COL9A2: variants seen among roughly 807,000 people sequenced by gnomAD.
COL9A2 encodes the protein collagen alpha-2(IX) chain.
A neutral mutation model predicts 111.6 loss-of-function variants in COL9A2; 66 were observed. The ratio of observed to expected loss-of-function variants is 0.59; its 90% CI spans 0.48 to 0.73. The LOEUF (loss-of-function observed/expected upper bound fraction) is 0.73. Ranked by LOEUF, COL9A2 falls within the 30% of genes least tolerant of loss-of-function variation. COL9A2 has a pLI of 0.00. For missense variants in COL9A2, 881 were observed against 954.1 expected (o/e 0.92, Z 1.01); for synonymous variants, 353 against 364.1 (o/e 0.97, Z 0.35).
chr1:40,312,860 G>T lies in COL9A2; in HGVS notation c.250-76C>A. Reference sequence around the variant, plus strand: ...CCCACAGAGCAGGGCAGGTTCAAGGGTCCCTCCTGGGTGGGCCGAGGCTCC... The same window carrying T: ...CCCACAGAGCAGGGCAGGTTCAAGGTTCCCTCCTGGGTGGGCCGAGGCTCC... On this transcript the variant is annotated intron_variant, in intron 4 of 31. Coordinates refer to ENST00000372748, the MANE Select transcript of COL9A2 (RefSeq NM_001852.4). The surrounding 1 kb of genome is among the most constrained non-coding windows in gnomAD (Gnocchi z 6.0). 1.4e-6 allele frequency: 2 copies of T among 1,384,464 alleles called. No individual in the cohort carries two copies. Among genetic ancestry groups the T allele is most frequent in the Non-Finnish European group, 2.0e-6 (2 of 997,210 alleles). The allele number at this position is 1,384,464 out of a possible 1,614,324, so 85.8% of individuals were successfully genotyped here.
chr1:40,309,791 A>ACACACACACTACACACT (rs1644089678), intron 16 of COL9A2, 147 bp downstream of exon 16: 1 of 818,000 alleles, frequency 1.2e-6, no homozygotes, highest in East Asian at 2.4e-5. Flanking sequence ...CAGTCTACAC[A>ACACACACACTACACACT]CACACACACT....
Position 40,315,617 on chromosome 1 carries a change from C to G in COL9A2, c.123G>C (p.Pro41=). The G allele has an allele frequency of 6.4e-7, 1 of 1,553,184 alleles. No homozygotes were observed. ...CGATGCCGTCGGATCCAGGCACTCC[C>G]GGCGGTCCCGGGGGACCCGGGGGGC... is the stretch of plus-strand genomic sequence containing the variant. ...ERGPPGPPGP[P]GVPGSDGIDG... Residue 41 remains proline, a synonymous_variant, in exon 2 of 32, where the codon CCG becomes CCC. Coordinates refer to ENST00000372748, the MANE Select transcript of COL9A2 (RefSeq NM_001852.4).
chr1:40,310,343 A>T lies in COL9A2; in HGVS notation c.685-26T>A. The T allele has an allele frequency of 6.2e-7, 1 of 1,612,984 alleles. No individual in the cohort carries two copies. Among genetic ancestry groups the T allele is most frequent in the Non-Finnish European group, 8.5e-7 (1 of 1,179,276 alleles). On this transcript the variant is annotated intron_variant, in intron 13 of 31. Transcript: ENST00000372748. The surrounding 1 kb of genome is among the most constrained non-coding windows in gnomAD (Gnocchi z 4.9). Reference sequence around the variant, plus strand: ...CTGTTGAGAAAGAAAAATGACAGCAATGGCAATTGCAAGGCCCACTTCATG... The same window carrying T: ...CTGTTGAGAAAGAAAAATGACAGCATTGGCAATTGCAAGGCCCACTTCATG...
chr1:40,303,359 G>A lies in COL9A2; in HGVS notation c.1548+171C>T, dbSNP rs1427949292. Among the ~76,000 whole-genome samples the A allele has an allele frequency of 2.6e-5, 4 of 152,124 alleles. No individual in the cohort carries two copies. Among genetic ancestry groups the A allele is most frequent in the African/African-American group, 9.7e-5 (4 of 41,418 alleles). On this transcript the variant is annotated intron_variant, in intron 28 of 31. Transcript: ENST00000372748. This position sits in a 1 kb window ranked among gnomAD's most constrained non-coding sequence, Gnocchi z 4.6. ...GGCCAAGGGCTTACTTGGGAAGGTC[G>A]CGGGGTAATCCCTCAGGCTGCACTC...
chr1:40,301,647 G>A (rs1008151090), intron 31 of COL9A2, among the ~76,000 whole-genome samples, 165 bp downstream of exon 31: 1 of 152,216 alleles, frequency 6.6e-6, no homozygotes, highest in Non-Finnish European at 1.5e-5. Context: ...TTCCAGAGCT[G>A]GAACCACCCA....
Position 40,303,171 on chromosome 1 carries a change from A to G in COL9A2, c.1563T>C (p.Thr521=). Residue 521 remains threonine, a synonymous_variant, in exon 29 of 32, where the codon ACT becomes ACC. Transcript: ENST00000372748. The surrounding 1 kb of genome is among the most constrained non-coding windows in gnomAD (Gnocchi z 4.6). ...GRQGVEGRDA[T]DQHIVDVALK... The stretch of plus-strand genomic sequence containing the variant: ...GCGCCACATCCACGATGTGCTGGTC[A>G]GTGGCATCCCGGCCCTGAAAGCAGA... 6.2e-7 allele frequency: 1 copy of G among 1,612,194 alleles called. No individual in the cohort carries two copies. Among genetic ancestry groups the G allele is most frequent in the Admixed American group, 1.7e-5 (1 of 59,844 alleles).
chr1:40,309,827 A>T (rs908745024), intron 16 of COL9A2, 111 bp downstream of exon 16: 2 of 1,023,646 alleles, frequency 2.0e-6, no homozygotes, highest in African/African-American at 3.1e-5. Flanking sequence ...CTACACATTC[A>T]CACTCACGCA....
intron 19 of COL9A2, among the ~76,000 whole-genome samples, chr1:40,306,487 A>G (rs944608734): frequency 6.6e-6 from 1 of 152,354 alleles, no homozygotes; most frequent in South Asian, 2.1e-4. Flanking sequence ...GTGTGCACAG[A>G]AACAGGTTTG....
intron 22 of COL9A2, 119 bp downstream of exon 22, chr1:40,304,675 A>G: frequency 7.2e-7 from 1 of 1,391,362 alleles, no homozygotes; most frequent in South Asian, 1.2e-5. Context: ...AGACCAGCAA[A>G]GCAAACCTAG....
At position 40,310,464 on chromosome 1, in the gene COL9A2, T is replaced by C; in HGVS notation, c.685-147A>G. 1.1e-6 allele frequency: 1 copy of C among 905,174 alleles called. No individual in the cohort carries two copies. Among genetic ancestry groups the C allele is most frequent in the Non-Finnish European group, 1.8e-6 (1 of 562,566 alleles). The allele number at this position is 905,174 out of a possible 1,614,324, so 56.1% of individuals were successfully genotyped here. On this transcript the variant is annotated intron_variant, in intron 13 of 31. Transcript: ENST00000372748. The surrounding 1 kb of genome is among the most constrained non-coding windows in gnomAD (Gnocchi z 4.9). ...TGGATGGGACATGGAGGTTCAGAGA[T>C]GAGGAGGGACTCACTGCATTACTCA...
chr1:40,305,000 G>T, intron 21 of COL9A2, 153 bp from the exon 22 acceptor site: 7 of 474,430 alleles, frequency 1.5e-5, no homozygotes, highest in Admixed American at 3.5e-5. Context: ...GGTCCCTGTA[G>T]TTTTCTTTCA....
chr1:40,302,825 GA>G lies in COL9A2; in HGVS notation c.1604-17del. 2 of 1,206,724 alleles carry G rather than the reference GA, an allele frequency of 1.7e-6. No individual in the cohort carries two copies. Among genetic ancestry groups the G allele is most frequent in the Non-Finnish European group, 2.3e-6 (2 of 859,170 alleles). The allele number at this position is 1,206,724 out of a possible 1,614,324, so 74.8% of individuals were successfully genotyped here. ...GCCAGTTGCTCTGGAGGGAGGGAGG[GA>G]GGGAGGGAGAGGGAAGTCTATGAGA... On this transcript the variant is annotated splice_polypyrimidine_tract_variant and intron_variant, in intron 29 of 31. Coordinates refer to ENST00000372748, the MANE Select transcript of COL9A2 (RefSeq NM_001852.4). The surrounding 1 kb of genome is among the most constrained non-coding windows in gnomAD (Gnocchi z 4.5).
rs1443025452 is a variant in COL9A2, at chr1:40,302,612, A to G, written c.1792+9T>C. On this transcript the variant is annotated intron_variant, in intron 30 of 31. Coordinates refer to ENST00000372748, the MANE Select transcript of COL9A2 (RefSeq NM_001852.4). This position sits in a 1 kb window ranked among gnomAD's most constrained non-coding sequence, Gnocchi z 4.5. ...CTGGCCCCCATGCCCACCGCAGAGGAGCACTCACCCTTGGGCCCCGTGTTG... is the reference window on the plus strand; with the variant it reads ...CTGGCCCCCATGCCCACCGCAGAGGGGCACTCACCCTTGGGCCCCGTGTTG... 3 of 1,595,474 alleles carry G rather than the reference A, an allele frequency of 1.9e-6. No individual in the cohort carries two copies. The South Asian group carries it at 3.4e-5, about 18-fold the overall frequency.
In COL9A2 at chr1:40,303,413, G is replaced by T; in HGVS notation, c.1548+117C>A. 1 of 1,443,210 alleles carries T rather than the reference G, an allele frequency of 6.9e-7. No individual in the cohort carries two copies. The allele number at this position is 1,443,210 out of a possible 1,614,324, so 89.4% of individuals were successfully genotyped here. A position where few individuals can be genotyped will look rare whatever the true frequency, so the allele number is the denominator to read the frequency against. On this transcript the variant is annotated intron_variant, in intron 28 of 31. Transcript: ENST00000372748. The surrounding 1 kb of genome is among the most constrained non-coding windows in gnomAD (Gnocchi z 4.6). ...GCCTTCCTGTCTGCTCTGGGGCTTG[G>T]AACCAGTCTCGGGGAAGTCGGTGAG...
rs1003047049 is a variant in COL9A2 at position 40,317,067 on chromosome 1, C to G, written c.75+56G>C. 6.6e-7 allele frequency: 1 copy of G among 1,512,908 alleles called. No individual in the cohort carries two copies. Among genetic ancestry groups the G allele is most frequent in the Non-Finnish European group, 9.0e-7 (1 of 1,111,890 alleles). 93.7% of individuals were successfully genotyped at this position (1,512,908 alleles called of 1,614,324 possible). A position where few individuals can be genotyped will look rare whatever the true frequency, so the allele number is the denominator to read the frequency against. ...GGGACACAGGCAGAGCTCCTCCATC[C>G]CGGACTCCAGACCCCGCACCCTGGA... On this transcript the variant is annotated intron_variant, in intron 1 of 31. Transcript: ENST00000372748. The surrounding 1 kb of genome is among the most constrained non-coding windows in gnomAD (Gnocchi z 4.3).
At chr1:40,306,694 G>A (rs1338521332) in intron 19 of COL9A2, among the ~76,000 whole-genome samples, 1 of 152,170 alleles carries the variant, frequency 6.6e-6, no homozygotes, top group Non-Finnish European at 1.5e-5. Context: ...AGGACAGAGA[G>A]GGGCCATTGC....
rs534724125 is a variant in COL9A2, at chr1:40,310,112, G to A, written c.791C>T (p.Pro264Leu). 3.2e-5 allele frequency: 52 copies of A among 1,614,008 alleles called. 1 individual carries two copies. Among genetic ancestry groups the A allele is most frequent in the South Asian group, 1.9e-4 (17 of 91,082 alleles). ...GTAGGGGAGCAAAAAGAGGCTTACC[G>A]GTGGCCCAGTGGCACCGATAGCGCC... ...MVGAIGATGP[P>L]GEEGPRGPPG... Residue 264 changes from proline (P) to leucine (L), a missense_variant and splice_region_variant, in exon 15 of 32, where the codon CCG becomes CTG. Transcript: ENST00000372748. This position sits in a 1 kb window ranked among gnomAD's most constrained non-coding sequence, Gnocchi z 4.9.
chr1:40,302,096 G>T lies in COL9A2; in HGVS notation c.1793-207C>A, dbSNP rs945621222. 4.6e-5 allele frequency among the ~76,000 whole-genome samples: 7 copies of T among 152,054 alleles called. No homozygotes were observed. The highest frequency in any genetic ancestry group is 1.7e-4 in the African/African-American group (7 of 41,332). On this transcript the variant is annotated intron_variant, in intron 30 of 31. Coordinates refer to ENST00000372748, the MANE Select transcript of COL9A2 (RefSeq NM_001852.4). The surrounding 1 kb of genome is among the most constrained non-coding windows in gnomAD (Gnocchi z 4.5). ...ATGTAACCAATAAAGTTTATTACAG[G>T]AAAGCAAGCATAACAATATCTAGCA...
In COL9A2 at chr1:40,310,629, G is replaced by A; in HGVS notation, c.684+85C>T. On this transcript the variant is annotated intron_variant, in intron 13 of 31. Coordinates refer to ENST00000372748, the MANE Select transcript of COL9A2 (RefSeq NM_001852.4). The surrounding 1 kb of genome is among the most constrained non-coding windows in gnomAD (Gnocchi z 4.9). ...CTAGACACAGGTGTCTCTTTTACAA[G>A]CTAGAGGCCTGAGCAGGGGAATGAC... The A allele has an allele frequency of 8.2e-7, 1 of 1,218,684 alleles. No homozygotes were observed. The highest frequency in any genetic ancestry group is 1.2e-6 in the Non-Finnish European group (1 of 843,532). The allele number at this position is 1,218,684 out of a possible 1,614,324, so 75.5% of individuals were successfully genotyped here.
Sources: allele counts gnomAD v4.1 joint callset (sites outside exome capture counted in the v4.1 genomes callset), GRCh38; gene constraint gnomAD v4.1.1; non-coding constraint Gnocchi (gnomAD v3.1); transcripts MANE v1.5; gene names NCBI Gene and HGNC (gene_info 2026-07-23, HGNC 2026-07-21).